SPECC1L: variants seen among roughly 807,000 people sequenced by gnomAD.
SPECC1L encodes the protein sperm antigen with calponin homology and coiled-coil domains 1 like.
A neutral mutation model predicts 116.8 loss-of-function variants in SPECC1L; 40 were observed. That is an observed-to-expected ratio of 0.34 (90% CI 0.27 to 0.45). The LOEUF (loss-of-function observed/expected upper bound fraction) is 0.45. Among genes scored for constraint, SPECC1L ranks in the 20% least tolerant of loss-of-function variants. The pLI is 1.00. For missense variants in SPECC1L, 1,110 were observed against 1,373.6 expected, an observed-to-expected ratio of 0.81 and a Z score of 3.03; for synonymous variants, 504 against 500.6, an observed-to-expected ratio of 1.01 and a Z score of -0.09.
rs766106864 is a variant in SPECC1L, at chr22:24,347,228, T to G, written c.2743+52T>G. On this transcript the variant is annotated intron_variant, in intron 11 of 16. Transcript: ENST00000314328. ...ACCTTTTTTTCAATTTTTGAATTGT[T>G]CTGGCTTTTTTGGCAAACTAAATAT... 3 of 1,443,062 alleles carry G rather than the reference T, an allele frequency of 2.1e-6. No individual in the cohort carries two copies. In the South Asian group the frequency reaches 3.4e-5, roughly 17 times the overall value. The allele number at this position is 1,443,062 out of a possible 1,614,324, so 89.4% of individuals were successfully genotyped here. A position where few individuals can be genotyped will look rare whatever the true frequency, so the allele number is the denominator to read the frequency against.
At position 24,368,019 on chromosome 22, in the gene SPECC1L, C is replaced by T. The variant is rs116390282; in HGVS notation, c.2985-1199C>T. ...CAGAGTGTGACCAAAAGGGAAGATA[C>T]GGTGCAGAATGAGTAGAATTGGAAG... On this transcript the variant is annotated intron_variant, in intron 13 of 16. Coordinates refer to ENST00000314328, the MANE Select transcript of SPECC1L (RefSeq NM_015330.6). Among the ~76,000 whole-genome samples, 480 of 152,212 alleles carry T rather than the reference C, an allele frequency of 3.2e-3. 1 individual carries two copies. The highest frequency in any genetic ancestry group is 0.01 in the African/African-American group (428 of 41,542).
chr22:24,390,881 T>TTTTTTTTTTTTTTTTTTTC (rs2042257844), intron 14 of SPECC1L, among the ~76,000 whole-genome samples: 1 of 119,200 alleles, frequency 8.4e-6, no homozygotes, highest in Non-Finnish European at 1.8e-5. Context: ...TCTTTTTTTT[T>TTTTTTTTTTTTTTTTTTTC]TTTTTTTTTT....
chr22:24,333,874 G>T (rs2040991014), intron 8 of SPECC1L, among the ~76,000 whole-genome samples: 1 of 151,852 alleles, frequency 6.6e-6, no homozygotes, highest in Non-Finnish European at 1.5e-5. Flanking sequence ...GAATTTGATG[G>T]TTGCTTAACT....
chr22:24,385,508 TG>T (rs991779294), intron 14 of SPECC1L, among the ~76,000 whole-genome samples: 1 of 152,236 alleles, frequency 6.6e-6, no homozygotes, highest in African/African-American at 2.4e-5. Flanking sequence ...TTGGAAAAGA[TG>T]TCCTATGCGA....
chr22:24,373,064 A>AT (rs927532561), intron 14 of SPECC1L, among the ~76,000 whole-genome samples: 1 of 152,250 alleles, frequency 6.6e-6, no homozygotes, highest in Non-Finnish European at 1.5e-5. Context: ...AATGCAACTT[A>AT]TAAGGGACAT....
intron 14 of SPECC1L, among the ~76,000 whole-genome samples, chr22:24,390,449 TAAA>T (rs543049824): frequency 1.3e-5 from 2 of 152,014 alleles, no homozygotes; most frequent in Admixed American, 1.3e-4. Context: ...AGTTAAAAAA[TAAA>T]AAAAGGTGCT....
intron 11 of SPECC1L, among the ~76,000 whole-genome samples, chr22:24,348,185 G>C (rs900502891): frequency 3.9e-5 from 6 of 152,062 alleles, no homozygotes; most frequent in African/African-American, 1.4e-4. Flanking sequence ...TGTCCCCTCA[G>C]GGCCTGAGGG....
intron 13 of SPECC1L, among the ~76,000 whole-genome samples, chr22:24,367,498 A>C (rs969041933): frequency 6.6e-6 from 1 of 151,966 alleles, no homozygotes; most frequent in African/African-American, 2.4e-5. Flanking sequence ...GGCCCAAGAC[A>C]ATTCTTCTAT....
chr22:24,378,214 A>G (rs2042004550), intron 14 of SPECC1L, among the ~76,000 whole-genome samples: 2 of 152,332 alleles, frequency 1.3e-5, no homozygotes, highest in South Asian at 2.1e-4. Context: ...TTCCTTCAAT[A>G]TCATGAGCCA....
At chr22:24,382,336 G>T (rs1192403480) in intron 14 of SPECC1L, among the ~76,000 whole-genome samples, 1 of 152,062 alleles carries the variant, frequency 6.6e-6, no homozygotes, top group African/African-American at 2.4e-5. Context: ...TGAGTAGCAG[G>T]ACTAAAATTT....
chr22:24,354,950 A>G (rs543180174), intron 11 of SPECC1L, among the ~76,000 whole-genome samples: 8 of 146,086 alleles, frequency 5.5e-5, no homozygotes, highest in Non-Finnish European at 1.2e-4. Context: ...GCACCCAGCC[A>G]AGTTCTGGTT....
In SPECC1L at chr22:24,390,872, C is replaced by CTTTTTTTTTTTTTTTTTTTT. The variant is rs1016008966; in HGVS notation, c.3088-20709_3088-20690dup. On this transcript the variant is annotated intron_variant, in intron 14 of 16. Coordinates refer to ENST00000314328, the MANE Select transcript of SPECC1L (RefSeq NM_015330.6). ...TGTTCCTTTTTTTTTTTTTTCTTTT[C>CTTTTTTTTTTTTTTTTTTTT]TTTTTTTTTTTTTTTTTTTTTTTTT... 2.2e-3 allele frequency among the ~76,000 whole-genome samples: 123 copies of CTTTTTTTTTTTTTTTTTTTT among 57,108 alleles called. 1 individual carries two copies. Among genetic ancestry groups the CTTTTTTTTTTTTTTTTTTTT allele is most frequent in the African/African-American group, 2.8e-3 (37 of 13,206 alleles). 37.5% of individuals were successfully genotyped at this position (57,108 alleles called of 152,430 possible). A position where few individuals can be genotyped will look rare whatever the true frequency, so the allele number is the denominator to read the frequency against.
At chr22:24,356,942 T>TACCC (rs1336974914) in intron 11 of SPECC1L, among the ~76,000 whole-genome samples, 3 of 151,878 alleles carry the variant, frequency 2.0e-5, no homozygotes, top group African/African-American at 7.2e-5. Context: ...CCCTGCTCTC[T>TACCC]ACCCACCAGA....
intron 16 of SPECC1L, 108 bp downstream of exon 16, chr22:24,412,815 G>C: frequency 8.1e-7 from 1 of 1,229,468 alleles, no homozygotes; most frequent in Non-Finnish European, 1.2e-6. Context: ...GTGGCTGCCT[G>C]GTAAAAGGCA....
rs62233070 is a variant in SPECC1L at position 24,284,687 on chromosome 22, G to C, written c.-38+7884G>C. 7.4e-3 allele frequency among the ~76,000 whole-genome samples: 1,125 copies of C among 152,160 alleles called. 6 individuals carry two copies. The highest frequency in any genetic ancestry group is 0.012 in the South Asian group (60 of 4,826). On this transcript the variant is annotated intron_variant, in intron 2 of 16. Coordinates refer to ENST00000314328, the MANE Select transcript of SPECC1L (RefSeq NM_015330.6). ...CCTGACCTCGTGTTCTGCCTGCCTT[G>C]GCCTCTGAAAGTGCTGGGATTACAT...
At position 24,415,734 on chromosome 22, in the gene SPECC1L, A is replaced by G. The variant is rs1338391779; in HGVS notation, c.*1111A>G. On this transcript the variant is annotated 3_prime_UTR_variant, in exon 17 of 17. Transcript: ENST00000314328. ...CAGGACCTCCAAGACTCAGTGGTTG[A>G]GTTGTCTCCTACCACCATGCCCGCC... 1 of 151,926 alleles carries G rather than the reference A, an allele frequency of 6.6e-6. No individual in the cohort carries two copies. Among genetic ancestry groups the G allele is most frequent in the Non-Finnish European group, 1.5e-5 (1 of 67,876 alleles). The allele number at this position is 151,926 out of a possible 1,614,324, so 9.4% of individuals were successfully genotyped here. A position where few individuals can be genotyped will look rare whatever the true frequency, so the allele number is the denominator to read the frequency against.
At chr22:24,291,678 T>C (rs1201486590) in intron 2 of SPECC1L, among the ~76,000 whole-genome samples, 1 of 152,188 alleles carries the variant, frequency 6.6e-6, no homozygotes, top group Non-Finnish European at 1.5e-5. Context: ...TACTGTGGGC[T>C]GCCAGCCTGC....
At chr22:24,362,956 A>G (rs1332397593) in intron 11 of SPECC1L, among the ~76,000 whole-genome samples, 2 of 152,206 alleles carry the variant, frequency 1.3e-5, no homozygotes, top group African/African-American at 2.4e-5. Flanking sequence ...GTTGCAGTAG[A>G]GGATCTTTGA....
chr22:24,279,667 C>G (rs1381007487), intron 2 of SPECC1L, among the ~76,000 whole-genome samples: 11 of 152,154 alleles, frequency 7.2e-5, no homozygotes. Context: ...ACTGCAGCCT[C>G]CACCTCCTGG....
Sources: allele counts gnomAD v4.1 joint callset (sites outside exome capture counted in the v4.1 genomes callset), GRCh38; gene constraint gnomAD v4.1.1; transcripts MANE v1.5; gene names NCBI Gene and HGNC (gene_info 2026-07-23, HGNC 2026-07-21).